STK3: variants seen among roughly 807,000 people sequenced by gnomAD.
The protein encoded by STK3 is serine/threonine-protein kinase 3.
Under a neutral mutation model 58.0 loss-of-function variants are expected in STK3, and 41 were observed. That is an observed-to-expected ratio of 0.71 (90% CI 0.55 to 0.92). STK3 has a LOEUF of 0.92. STK3 is among the 40% of genes least tolerant of loss of function. The pLI, the probability that STK3 is intolerant of heterozygous loss-of-function variation, is 0.00. For missense variants in STK3, 479 were observed against 602.7 expected (o/e 0.79, Z 2.15); for synonymous variants, 170 against 191.0 (o/e 0.89, Z 0.91).
intron 1 of STK3, among the ~76,000 whole-genome samples, chr8:98,382,779 A>T (rs1817750318): frequency 6.6e-6 from 1 of 152,158 alleles, no homozygotes; most frequent in Non-Finnish European, 1.5e-5. Context: ...AAGGCAAGAA[A>T]CCCGATTCCT....
intron 10 of STK3, among the ~76,000 whole-genome samples, chr8:98,475,635 T>C (rs1180285961): frequency 1.4e-4 from 21 of 152,156 alleles, no homozygotes; most frequent in Non-Finnish European, 2.8e-4. Context: ...AAAATAAAAA[T>C]AGACAACTCT....
At chr8:98,822,740 C>A (rs182619077) in intron 1 of STK3, among the ~76,000 whole-genome samples, 3 of 152,248 alleles carry the variant, frequency 2.0e-5, no homozygotes, top group East Asian at 3.9e-4. Context: ...AAATAAAGAA[C>A]AACGGGGGCC....
intron 8 of STK3, among the ~76,000 whole-genome samples, chr8:98,568,110 T>TAGAC (rs773597132): frequency 1.4e-5 from 2 of 144,020 alleles, no homozygotes; most frequent in Non-Finnish European, 3.1e-5. Flanking sequence ...GATAGATAGA[T>TAGAC]AGACTGATTT....
intron 7 of STK3, among the ~76,000 whole-genome samples, chr8:98,580,601 T>C: frequency 6.6e-6 from 1 of 152,128 alleles, no homozygotes; most frequent in Non-Finnish European, 1.5e-5. Context: ...CCTGACTGAG[T>C]GAGTGAGTTA....
chr8:98,625,523 T>TTCCC lies in STK3; in HGVS notation c.685-29358_685-29355dup, dbSNP rs147632763. Among the ~76,000 whole-genome samples, 1,236 of 152,254 alleles carry TTCCC rather than the reference T, an allele frequency of 8.1e-3. 12 individuals are homozygous for TTCCC. Among genetic ancestry groups the TTCCC allele is most frequent in the African/African-American group, 0.028 (1,163 of 41,534 alleles). On this transcript the variant is annotated intron_variant, in intron 6 of 10. Coordinates refer to ENST00000419617, the MANE Select transcript of STK3 (RefSeq NM_006281.4). ...GTGCCATGTTTCTCTTTGACCTTTC[T>TTCCC]TCCCTCCCTCCCACCTATTAAAACT... is the stretch of plus-strand genomic sequence containing the variant.
chr8:98,610,890 C>A (rs547983369), intron 6 of STK3, among the ~76,000 whole-genome samples: 1 of 152,086 alleles, frequency 6.6e-6, no homozygotes, highest in Admixed American at 6.5e-5. Flanking sequence ...CACTTTACAA[C>A]CAAAGTGCAA....
rs1032685259 is a variant in STK3, at chr8:98,757,319, T to C, written c.237-7929A>G. On this transcript the variant is annotated intron_variant, in intron 3 of 10. Transcript: ENST00000419617. ...CCTCAGCCTCCTGAGTAGCTGGGAT[T>C]ACAGGCACCCGCCACCATGCCCGGC... 6.7e-5 allele frequency among the ~76,000 whole-genome samples: 10 copies of C among 150,350 alleles called. 1 individual carries two copies. Among genetic ancestry groups the C allele is most frequent in the African/African-American group, 2.2e-4 (9 of 41,028 alleles).
intron 2 of STK3, among the ~76,000 whole-genome samples, chr8:98,376,325 C>T (rs1409541089): frequency 2.0e-5 from 3 of 152,132 alleles, no homozygotes; most frequent in Non-Finnish European, 2.9e-5. Context: ...GATACAAGTC[C>T]TTTGTCAGAT....
chr8:98,681,262 G>A (rs527424747), intron 6 of STK3, among the ~76,000 whole-genome samples: 1 of 152,056 alleles, frequency 6.6e-6, no homozygotes, highest in East Asian at 1.9e-4. Flanking sequence ...CTCCCAAAGT[G>A]CTGGGATTAC....
At chr8:98,903,110 C>T (rs528219028) in intron 1 of STK3, among the ~76,000 whole-genome samples, 1 of 152,310 alleles carries the variant, frequency 6.6e-6, no homozygotes, top group Non-Finnish European at 1.5e-5. Flanking sequence ...TGCGGGTCTC[C>T]TTTCAGTGAC....
intron 10 of STK3, among the ~76,000 whole-genome samples, chr8:98,497,514 A>G (rs1823231873): frequency 6.6e-6 from 1 of 152,216 alleles, no homozygotes; most frequent in Non-Finnish European, 1.5e-5. Context: ...TACAGCCCAC[A>G]GAATGGGAGA....
intron 10 of STK3, among the ~76,000 whole-genome samples, chr8:98,473,334 T>C (rs1821066358): frequency 6.6e-6 from 1 of 152,182 alleles, no homozygotes; most frequent in African/African-American, 2.4e-5. Context: ...CACAGTTAGC[T>C]TCTTTCTCTT....
intron 6 of STK3, among the ~76,000 whole-genome samples, chr8:98,660,283 G>A (rs1237024527): frequency 6.6e-6 from 1 of 152,002 alleles, no homozygotes; most frequent in African/African-American, 2.4e-5. Context: ...GCAATGGGGA[G>A]TGGTTACTTA....
chr8:98,584,931 C>T lies in STK3; in HGVS notation c.823-5142G>A, dbSNP rs1272119782. On this transcript the variant is annotated intron_variant, in intron 7 of 10. Coordinates refer to ENST00000419617, the MANE Select transcript of STK3 (RefSeq NM_006281.4). ...AGTGTCTGTTCATGTCCTTCGCCCA[C>T]TTTTTGATGGGGTTGTTTTTTTCTT... Among the ~76,000 whole-genome samples the T allele has an allele frequency of 3.3e-5, 5 of 151,374 alleles. No individual in the cohort carries two copies. The South Asian group carries it at 6.2e-4, about 19-fold the overall frequency.
At chr8:98,582,917 CTT>C (rs1814045815) in intron 7 of STK3, among the ~76,000 whole-genome samples, 1 of 152,048 alleles carries the variant, frequency 6.6e-6, no homozygotes, top group South Asian at 2.1e-4. Flanking sequence ...AGAGCAACCT[CTT>C]ATGTCTTTAA....
chr8:98,611,615 C>T (rs1243872748), intron 6 of STK3, among the ~76,000 whole-genome samples: 1 of 152,086 alleles, frequency 6.6e-6, no homozygotes, highest in Non-Finnish European at 1.5e-5. Flanking sequence ...GTTTCTAACT[C>T]CAAATTTCTT....
chr8:98,875,255 A>G (rs1447613090), intron 3 of STK3: 1 of 152,168 alleles, frequency 6.6e-6, no homozygotes, highest in Non-Finnish European at 1.5e-5. Context: ...AGCCAGGCAG[A>G]AATATTCTTT....
chr8:98,931,651 G>A (rs552764625), intron 1 of STK3, among the ~76,000 whole-genome samples: 4 of 152,118 alleles, frequency 2.6e-5, no homozygotes, highest in African/African-American at 7.2e-5. Context: ...TTTTTGTTAA[G>A]TACAAAAAAC....
intron 1 of STK3, among the ~76,000 whole-genome samples, chr8:98,445,373 G>C (rs1284587168): frequency 6.6e-6 from 1 of 151,902 alleles, no homozygotes; most frequent in Non-Finnish European, 1.5e-5. Context: ...ATATTTTCTA[G>C]TAGCCACATT....
Sources: allele counts gnomAD v4.1 joint callset (sites outside exome capture counted in the v4.1 genomes callset), GRCh38; gene constraint gnomAD v4.1.1; transcripts MANE v1.5; gene names NCBI Gene and HGNC (gene_info 2026-07-23, HGNC 2026-07-21).